The following UROS variants were observed in gnomAD, a reference collection of about 807,000 sequenced individuals.
The protein encoded by UROS is uroporphyrinogen-III synthase.
UROS carries 18 observed loss-of-function variants against 33.0 expected under a neutral mutation model. The observed-to-expected ratio is 0.55, with a 90% CI of 0.38 to 0.81. UROS has a LOEUF of 0.81. UROS is among the 30% of genes least tolerant of loss of function. UROS has a pLI of 0.00. For missense variants in UROS, 293 were observed against 314.9 expected (o/e 0.93, Z 0.53); for synonymous variants, 114 against 121.1 (o/e 0.94, Z 0.38).
chr10:125,794,729 G>C, intron 9 of UROS, 151 bp downstream of exon 9: 1 of 702,786 alleles, frequency 1.4e-6, no homozygotes, highest in East Asian at 2.8e-5. Flanking sequence ...CTGTGCAACA[G>C]CCCAGCAGGA....
chr10:125,789,485 G>T, intron 9 of UROS: 1 of 631,416 alleles, frequency 1.6e-6, no homozygotes, highest in Non-Finnish European at 2.1e-6. Context: ...ACAGGACAAT[G>T]ACCTTGGCCC....
At chr10:125,786,751 C>CA (rs1379900671), downstream of UROS, among the ~76,000 whole-genome samples, 1 of 152,134 alleles carries the variant, frequency 6.6e-6, no homozygotes, top group Non-Finnish European at 1.5e-5. Context: ...AACTGCAGTC[C>CA]CGTGGGAGGG....
At chr10:125,787,089 G>T (rs556288200), downstream of UROS, among the ~76,000 whole-genome samples, 8 of 152,340 alleles carry the variant, frequency 5.3e-5, no homozygotes, top group South Asian at 6.2e-4. Flanking sequence ...CTGAAACAAG[G>T]CTTCGCCAGA....
chr10:125,795,002 C>A, intron 8 of UROS, 24 bp from the exon 9 acceptor site: 1 of 1,594,256 alleles, frequency 6.3e-7, no homozygotes, highest in South Asian at 1.1e-5. Context: ...AAAACAAGAT[C>A]AGTCCTTGCC....
downstream of UROS, among the ~76,000 whole-genome samples, chr10:125,787,818 C>T (rs1850677151): frequency 6.6e-6 from 1 of 152,126 alleles, no homozygotes; most frequent in Non-Finnish European, 1.5e-5. Flanking sequence ...ACAATCATCA[C>T]CAAATTCTAA....
At position 125,823,206 on chromosome 10, in the gene UROS, C is replaced by T. The variant is rs1854163588; in HGVS notation, c.-204G>A. ...CCGCGCCGGGCCCCAGGACCCCGCA[C>T]CTCAGACTGGGGTCGCGTGGGTGGC... is the stretch of plus-strand genomic sequence containing the variant. On this transcript the variant is annotated 5_prime_UTR_variant, in exon 1 of 10. It adds an upstream start codon to the 5' untranslated region. Coordinates refer to ENST00000368797, the MANE Select transcript of UROS (RefSeq NM_000375.3). 2 of 200,422 alleles carry T rather than the reference C, an allele frequency of 1.0e-5. No individual in the cohort carries two copies. Among genetic ancestry groups the T allele is most frequent in the Non-Finnish European group, 2.0e-5 (2 of 98,796 alleles). 12.4% of individuals were successfully genotyped at this position (200,422 alleles called of 1,614,324 possible). A position where few individuals can be genotyped will look rare whatever the true frequency, so the allele number is the denominator to read the frequency against.
intron 1 of UROS, among the ~76,000 whole-genome samples, chr10:125,821,298 T>C (rs1213300807): frequency 6.6e-6 from 1 of 152,220 alleles, no homozygotes; most frequent in South Asian, 2.1e-4. Context: ...TGGAGTATTA[T>C]TCAGCCTTAA....
intron 9 of UROS, chr10:125,794,492 CT>C: frequency 4.4e-6 from 2 of 458,360 alleles, no homozygotes; most frequent in Non-Finnish European, 6.3e-6. Flanking sequence ...AAGGTGACTG[CT>C]TTTAGAATAG....
chr10:125,815,946 C>T (rs1853282071), intron 3 of UROS, among the ~76,000 whole-genome samples: 1 of 152,192 alleles, frequency 6.6e-6, no homozygotes, highest in Non-Finnish European at 1.5e-5. Flanking sequence ...TCACCATGAC[C>T]TGCTCTCCTG....
downstream of UROS, among the ~76,000 whole-genome samples, chr10:125,787,164 C>T (rs4962488): frequency 0.11 from 16,097 of 152,294 alleles, 1,247 homozygotes; most frequent in Admixed American, 0.27. Flanking sequence ...AAAGGACACA[C>T]GTGTGGTGTT....
Position 125,816,258 on chromosome 10 carries a change from T to C in UROS, c.66A>G (p.Glu22=). 1 of 1,614,052 alleles carries C rather than the reference T, an allele frequency of 6.2e-7. No homozygotes were observed. The highest frequency in any genetic ancestry group is 8.5e-7 in the Non-Finnish European group (1 of 1,179,898). ...DDCGQDPYIR[E]LGLYGLEATL... The stretch of plus-strand genomic sequence containing the variant: ...TGGCTTCAAGTCCATATAATCCTAA[T>C]TCCTGAAATGAAAGAATATAGTTCT... The change falls in exon 3 of 10, where the codon GAA becomes GAG. Residue 22 remains glutamate (E), a splice_region_variant and synonymous_variant. Transcript: ENST00000368797.
At chr10:125,822,411 C>G (rs1018564033) in intron 1 of UROS, among the ~76,000 whole-genome samples, 6 of 151,868 alleles carry the variant, frequency 4.0e-5, no homozygotes, top group African/African-American at 1.2e-4. Context: ...CAACCTCCGT[C>G]TCCTGGGGGC....
At chr10:125,802,661 A>G (rs1163436385) in intron 6 of UROS, 10 of 1,216,664 alleles carry the variant, frequency 8.2e-6, no homozygotes, top group Middle Eastern at 3.3e-4. Flanking sequence ...CCTGAACTGT[A>G]TGTTTTTAGC....
chr10:125,786,043 C>A (rs568404813), downstream of UROS, among the ~76,000 whole-genome samples: 16 of 152,098 alleles, frequency 1.1e-4, no homozygotes, highest in Admixed American at 3.3e-4. Context: ...GTGGGGGGTG[C>A]GACTCACTCA....
intron 6 of UROS, among the ~76,000 whole-genome samples, chr10:125,801,895 G>A (rs1327227532): frequency 6.6e-6 from 1 of 152,166 alleles, no homozygotes. Flanking sequence ...AATGAACAAC[G>A]ACTCAGAGGT....
chr10:125,804,642 T>C (rs926135940), intron 6 of UROS, among the ~76,000 whole-genome samples: 11 of 152,166 alleles, frequency 7.2e-5, no homozygotes, highest in Admixed American at 1.3e-4. Flanking sequence ...CTGGGTAATG[T>C]CAAAATTAAG....
At chr10:125,817,500 G>A (rs1853443797) in intron 1 of UROS, among the ~76,000 whole-genome samples, 1 of 151,942 alleles carries the variant, frequency 6.6e-6, no homozygotes, top group Non-Finnish European at 1.5e-5. Context: ...CAACGGACCT[G>A]AGCTCTGGTC....
intron 6 of UROS, among the ~76,000 whole-genome samples, chr10:125,805,988 C>T (rs1035534007): frequency 5.3e-5 from 8 of 152,214 alleles, no homozygotes; most frequent in African/African-American, 1.9e-4. Flanking sequence ...CTGCCGCCCC[C>T]AACCCAGACG....
intron 1 of UROS, among the ~76,000 whole-genome samples, chr10:125,817,366 C>T (rs1853432009): frequency 6.6e-6 from 1 of 150,610 alleles, no homozygotes; most frequent in South Asian, 2.1e-4. Flanking sequence ...CTGCACCCAG[C>T]CTTATAGATG....
Sources: allele counts gnomAD v4.1 joint callset (sites outside exome capture counted in the v4.1 genomes callset), GRCh38; gene constraint gnomAD v4.1.1; transcripts MANE v1.5; gene names NCBI Gene and HGNC (gene_info 2026-07-23, HGNC 2026-07-21).